INO80: variants seen among roughly 807,000 people sequenced by gnomAD.
INO80 encodes the protein chromatin-remodeling ATPase INO80.
A neutral mutation model predicts 203.4 loss-of-function variants in INO80; 20 were observed. That is an observed-to-expected ratio of 0.10 (90% CI 0.07 to 0.14). INO80 has a LOEUF of 0.14. Among genes scored for constraint, INO80 ranks in the 10% least tolerant of loss-of-function variants. The pLI is 1.00. For missense variants in INO80, 1,419 were observed against 1,914.4 expected (o/e 0.74, Z 4.83); for synonymous variants, 726 against 685.2 (o/e 1.06, Z -0.93).
chr15:40,995,492 A>T (rs1049052639), intron 29 of INO80, among the ~76,000 whole-genome samples: 2 of 152,248 alleles, frequency 1.3e-5, no homozygotes, highest in African/African-American at 2.4e-5. Context: ...AAGGACACAA[A>T]TGAAGAGCCT....
At chr15:41,028,522 T>C (rs1162111636) in intron 24 of INO80, among the ~76,000 whole-genome samples, 1 of 152,244 alleles carries the variant, frequency 6.6e-6, no homozygotes, top group Non-Finnish European at 1.5e-5. Context: ...AAGGGGTCAG[T>C]AACAGGAAAT....
chr15:41,052,348 T>G (rs2044889656), intron 19 of INO80, among the ~76,000 whole-genome samples: 1 of 152,100 alleles, frequency 6.6e-6, no homozygotes, highest in South Asian at 2.1e-4. Flanking sequence ...ACAGTTCTAC[T>G]CCTCTCTTTG....
chr15:41,095,035 CAA>C lies in INO80; in HGVS notation c.381+564_381+565del, dbSNP rs35436731. Among the ~76,000 whole-genome samples, 1,279 of 144,134 alleles carry C rather than the reference CAA, an allele frequency of 8.9e-3. 15 individuals carry two copies. Among genetic ancestry groups the C allele is most frequent in the Middle Eastern group, 0.018 (5 of 278 alleles). The allele number at this position is 144,134 out of a possible 152,430, so 94.6% of individuals were successfully genotyped here. ...TATCTCATTTTGTATTGCAAATATT[CAA>C]AAAAAAAAAAAAAATCTGAGGCTGG... is the stretch of plus-strand genomic sequence containing the variant. On this transcript the variant is annotated intron_variant, in intron 4 of 35. Coordinates refer to ENST00000648947, the MANE Select transcript of INO80 (RefSeq NM_017553.3).
intron 29 of INO80, among the ~76,000 whole-genome samples, chr15:40,997,319 G>A (rs1160045051): frequency 2.0e-5 from 3 of 152,148 alleles, no homozygotes; most frequent in Admixed American, 2.0e-4. Flanking sequence ...AAAATGAATA[G>A]TAAAGTCCAT....
chr15:41,012,486 C>G (rs749968566), intron 27 of INO80, among the ~76,000 whole-genome samples: 1 of 140,716 alleles, frequency 7.1e-6, no homozygotes, highest in Non-Finnish European at 1.5e-5. Context: ...TTGCTTGAAC[C>G]CGGCAGCTGG....
intron 16 of INO80, 109 bp from the exon 17 acceptor site, chr15:41,056,815 A>C (rs1035957930): frequency 2.5e-6 from 2 of 790,742 alleles, no homozygotes; most frequent in Non-Finnish European, 4.3e-6. Context: ...TAACATTCAG[A>C]ATCAAGTACT....
intron 1 of INO80, among the ~76,000 whole-genome samples, chr15:41,097,500 T>A (rs564926349): frequency 2.6e-5 from 4 of 152,188 alleles, no homozygotes; most frequent in African/African-American, 9.6e-5. Flanking sequence ...ATTGTTATGA[T>A]TTTTTTCAGA....
intron 29 of INO80, among the ~76,000 whole-genome samples, chr15:40,992,918 G>A (rs1170922245): frequency 1.3e-5 from 2 of 152,058 alleles, no homozygotes; most frequent in Non-Finnish European, 2.9e-5. Flanking sequence ...TCAGCCTCCC[G>A]AGTATCTGGG....
At chr15:41,045,188 AT>A in intron 23 of INO80, 113 bp from the exon 24 acceptor site, 1 of 789,302 alleles carries the variant, frequency 1.3e-6, no homozygotes, top group Non-Finnish European at 1.9e-6. Flanking sequence ...AATCTTTATC[AT>A]TTTAGAAACA....
chr15:41,048,954 A>G (rs1370791375), intron 21 of INO80, among the ~76,000 whole-genome samples: 1 of 152,252 alleles, frequency 6.6e-6, no homozygotes, highest in Non-Finnish European at 1.5e-5. Flanking sequence ...TTCACCCACA[A>G]GTGCAATTCC....
chr15:41,083,039 A>G lies in INO80; in HGVS notation c.874-1966T>C, dbSNP rs527269186. Among the ~76,000 whole-genome samples, 199 of 152,028 alleles carry G rather than the reference A, an allele frequency of 1.3e-3. 2 individuals carry two copies. The highest frequency in any genetic ancestry group is 4.8e-3 in the African/African-American group (198 of 41,478). On this transcript the variant is annotated intron_variant, in intron 7 of 35. Transcript: ENST00000648947. ...GGCTCACGTCTGCAATCCCGGCACT[A>G]TGGGAGGCCGAGGCGCACAGATCAT...
rs139900191 is a variant in INO80 at position 41,074,521 on chromosome 15, T to A, written c.1176A>T (p.Thr392=). The change falls in exon 10 of 36, where the codon ACA becomes ACT. Residue 392 remains threonine, a synonymous_variant. Transcript: ENST00000648947. The part of the protein sequence containing the change: ...QRKLNFLITQ[T]ELYAHFMSRK... ...GACTCATGAAATGGGCATACAACTC[T>A]GTCTGGGTAATTAAGAAGTTGAGTT... 23 of 1,613,050 alleles carry A rather than the reference T, an allele frequency of 1.4e-5. No homozygotes were observed. In the African/African-American group the frequency reaches 2.9e-4, roughly 21 times the overall value.
chr15:40,995,904 T>A (rs1321787637), intron 29 of INO80, among the ~76,000 whole-genome samples: 1 of 152,198 alleles, frequency 6.6e-6, no homozygotes, highest in Admixed American at 6.5e-5. Flanking sequence ...GCTGATGATG[T>A]ACAGCTACCC....
intron 12 of INO80, 106 bp downstream of exon 12, chr15:41,071,743 G>A (rs922080566): frequency 2.0e-6 from 2 of 1,022,732 alleles, no homozygotes; most frequent in Non-Finnish European, 2.9e-6. Flanking sequence ...TTGCAGGCAT[G>A]AGCCACCGCG....
At chr15:41,093,719 G>A (rs964541606) in intron 4 of INO80, among the ~76,000 whole-genome samples, 7 of 151,828 alleles carry the variant, frequency 4.6e-5, no homozygotes, top group South Asian at 2.1e-4. Flanking sequence ...GTGGTGGTGC[G>A]GGCCTGTAGT....
At position 40,984,381 on chromosome 15, in the gene INO80, C is replaced by T. The variant is rs370538646; in HGVS notation, c.3922-29G>A. 4.5e-5 allele frequency: 72 copies of T among 1,604,312 alleles called. No homozygotes were observed. In the African/African-American group the frequency reaches 6.7e-4, roughly 15 times the overall value. ...GGAACACACGGATAAATATGGAAAA[C>T]GTGTGAGGATGCACCCCAAAAGAAA... On this transcript the variant is annotated intron_variant, in intron 32 of 35. Coordinates refer to ENST00000648947, the MANE Select transcript of INO80 (RefSeq NM_017553.3).
At chr15:41,081,349 G>A (rs1249803263) in intron 7 of INO80, among the ~76,000 whole-genome samples, 1 of 152,126 alleles carries the variant, frequency 6.6e-6, no homozygotes, top group African/African-American at 2.4e-5. Flanking sequence ...GCTTGAAGTG[G>A]ACTAGAAAAA....
In INO80 at chr15:41,073,289, C is replaced by T. The variant is rs138667160; in HGVS notation, c.1395+139G>A. 5.9e-3 allele frequency: 4,133 copies of T among 700,034 alleles called. 36 individuals are homozygous for T. The highest frequency in any genetic ancestry group is 6.8e-3 in the Non-Finnish European group (2,643 of 390,716). 43.4% of individuals were successfully genotyped at this position (700,034 alleles called of 1,614,324 possible). ...ACCCAGCTCCACCCCCTACACACAG[C>T]TACTCACACACATATACACAAGCTA... is the stretch of plus-strand genomic sequence containing the variant. On this transcript the variant is annotated intron_variant, in intron 11 of 35. Coordinates refer to ENST00000648947, the MANE Select transcript of INO80 (RefSeq NM_017553.3).
At chr15:41,053,485 T>C (rs1188065055) in intron 19 of INO80, among the ~76,000 whole-genome samples, 1 of 152,194 alleles carries the variant, frequency 6.6e-6, no homozygotes, top group East Asian at 1.9e-4. Context: ...TACGTGATGC[T>C]ATCATGGAAC....
Sources: allele counts gnomAD v4.1 joint callset (sites outside exome capture counted in the v4.1 genomes callset), GRCh38; gene constraint gnomAD v4.1.1; transcripts MANE v1.5; gene names NCBI Gene and HGNC (gene_info 2026-07-23, HGNC 2026-07-21).